SUGCT: variants seen among roughly 807,000 people sequenced by gnomAD.
SUGCT encodes succinyl-CoA:glutarate CoA-transferase.
SUGCT carries 41 observed loss-of-function variants against 55.0 expected under a neutral mutation model. The ratio of observed to expected loss-of-function variants is 0.74; its 90% CI spans 0.58 to 0.97. The LOEUF is 0.97. Ranked by LOEUF, SUGCT falls within the 50% of genes least tolerant of loss-of-function variation. The probability of loss-of-function intolerance (pLI) is 0.00; values close to 1 mark genes in which losing one functional copy is unlikely to be tolerated. For synonymous variants in SUGCT, 187 were observed against 200.4 expected, an observed-to-expected ratio of 0.93 and a Z score of 0.56; for missense variants, 568 against 547.8, an observed-to-expected ratio of 1.04 and a Z score of -0.37.
intron 12 of SUGCT, among the ~76,000 whole-genome samples, chr7:40,584,688 GAT>G (rs1175691825): frequency 2.0e-5 from 3 of 152,208 alleles, no homozygotes; most frequent in Non-Finnish European, 4.4e-5. Flanking sequence ...TAAATGAGGT[GAT>G]AGAGCTAGAT....
chr7:40,885,190 A>C, the SUGCT span, among the ~76,000 whole-genome samples: 1 of 152,110 alleles, frequency 6.6e-6, no homozygotes, highest in Non-Finnish European at 1.5e-5. Context: ...AGAAGCAGAA[A>C]AGGCTGTAAT....
the SUGCT span, among the ~76,000 whole-genome samples, chr7:40,896,606 C>T: frequency 1.3e-5 from 2 of 152,140 alleles, no homozygotes; most frequent in African/African-American, 4.8e-5. Flanking sequence ...CGGCACTTCT[C>T]CTTGTTGCCA....
At chr7:40,442,648 C>T (rs966915241) in intron 9 of SUGCT, among the ~76,000 whole-genome samples, 2 of 151,980 alleles carry the variant, frequency 1.3e-5, no homozygotes, top group Non-Finnish European at 2.9e-5. Context: ...GGAGTTGGGA[C>T]TTGCAAAATG....
chr7:40,929,703 G>A, the SUGCT span, among the ~76,000 whole-genome samples: 1 of 152,086 alleles, frequency 6.6e-6, no homozygotes, highest in Non-Finnish European at 1.5e-5. Context: ...GTGTCTCTTG[G>A]CTGCATAAAT....
At chr7:40,850,940 T>C (rs1793818874) in intron 13 of SUGCT, among the ~76,000 whole-genome samples, 2 of 152,242 alleles carry the variant, frequency 1.3e-5, no homozygotes, top group South Asian at 4.1e-4. Flanking sequence ...AAGGATAACA[T>C]ACATTGAGTA....
intron 11 of SUGCT, among the ~76,000 whole-genome samples, chr7:40,480,112 CT>C (rs1207874698): frequency 6.6e-6 from 1 of 152,002 alleles, no homozygotes; most frequent in Non-Finnish European, 1.5e-5. Flanking sequence ...TATTAGGAAA[CT>C]TTCCCCCCAT....
chr7:40,560,779 A>G (rs1158323062), intron 12 of SUGCT, among the ~76,000 whole-genome samples: 1 of 152,246 alleles, frequency 6.6e-6, no homozygotes, highest in Non-Finnish European at 1.5e-5. Flanking sequence ...ACTAGAACTA[A>G]GAAGACTAGG....
At chr7:40,407,094 T>C (rs1786412317) in intron 9 of SUGCT, among the ~76,000 whole-genome samples, 2 of 152,154 alleles carry the variant, frequency 1.3e-5, no homozygotes, top group African/African-American at 4.8e-5. Flanking sequence ...AAGGCCTTCT[T>C]TGAAGACTAC....
At chr7:40,405,406 C>G (rs1223681870) in intron 9 of SUGCT, among the ~76,000 whole-genome samples, 1 of 152,082 alleles carries the variant, frequency 6.6e-6, no homozygotes, top group Non-Finnish European at 1.5e-5. Context: ...ATAATGTTTC[C>G]TTCTTTAAAA....
chr7:40,823,801 A>G (rs1792155493), intron 13 of SUGCT, among the ~76,000 whole-genome samples: 1 of 152,220 alleles, frequency 6.6e-6, no homozygotes, highest in Admixed American at 6.5e-5. Context: ...TCTGGGATTC[A>G]AATAGCGACA....
At chr7:40,175,480 A>C (rs936661235) in intron 1 of SUGCT, among the ~76,000 whole-genome samples, 2 of 152,166 alleles carry the variant, frequency 1.3e-5, no homozygotes, top group Admixed American at 6.5e-5. Context: ...TCCTCCTCCC[A>C]AAGTGCTGGG....
At chr7:40,879,702 C>T in the SUGCT span, among the ~76,000 whole-genome samples, 1 of 152,244 alleles carries the variant, frequency 6.6e-6, no homozygotes, top group African/African-American at 2.4e-5. Context: ...AAAATGACCC[C>T]CAAATTCAAC....
At chr7:40,887,435 A>G in the SUGCT span, among the ~76,000 whole-genome samples, 2 of 152,346 alleles carry the variant, frequency 1.3e-5, no homozygotes, top group African/African-American at 4.8e-5. Flanking sequence ...AGACAAGTAT[A>G]GATTCAAAAT....
intron 7 of SUGCT, among the ~76,000 whole-genome samples, chr7:40,265,303 G>A (rs1368536546): frequency 6.6e-6 from 1 of 152,306 alleles, no homozygotes; most frequent in Admixed American, 6.5e-5. Context: ...ATTAGGTTGA[G>A]TAATGTAACA....
chr7:40,249,862 C>G (rs377072483), intron 7 of SUGCT, among the ~76,000 whole-genome samples: 4 of 152,258 alleles, frequency 2.6e-5, no homozygotes, highest in East Asian at 3.9e-4. Flanking sequence ...TCTCGGCTCA[C>G]CGCAACCTCT....
chr7:40,254,868 G>T (rs1310077532), intron 7 of SUGCT, among the ~76,000 whole-genome samples: 3 of 151,664 alleles, frequency 2.0e-5, no homozygotes, highest in African/African-American at 7.3e-5. Context: ...TGATCCTTTA[G>T]TTTTTATGTG....
chr7:40,240,603 A>G (rs956401576), intron 7 of SUGCT, among the ~76,000 whole-genome samples: 3 of 152,214 alleles, frequency 2.0e-5, no homozygotes, highest in Non-Finnish European at 2.9e-5. Context: ...CTCAGCAGAG[A>G]TTGTACGGGA....
At chr7:40,372,831 G>C (rs954638797) in intron 9 of SUGCT, among the ~76,000 whole-genome samples, 1 of 151,998 alleles carries the variant, frequency 6.6e-6, no homozygotes, top group African/African-American at 2.4e-5. Flanking sequence ...TGAGGAGCAG[G>C]TGCATTCTTG....
At position 40,237,697 on chromosome 7, in the gene SUGCT, T is replaced by C; in HGVS notation, c.547T>C (p.Ser183Pro). ...TTATGATGCTGTTGCCTCGGCTGTT[T>C]CTGGTCTGATGCACATCACAGGGCC... ...AGYDAVASAV[S>P]GLMHITGPEN... Residue 183 changes from serine (S) to proline (P), a missense_variant, in exon 7 of 14, where the codon TCT (serine) becomes CCT (proline). Ser to Pro is a moderately conservative substitution (Grantham distance 74, BLOSUM62 -1). Transcript: ENST00000335693. 1 of 1,613,950 alleles carries C rather than the reference T, an allele frequency of 6.2e-7. No individual in the cohort carries two copies. Among genetic ancestry groups the C allele is most frequent in the Non-Finnish European group, 8.5e-7 (1 of 1,179,856 alleles).
Sources: gnomAD v4.1 joint callset for allele counts (sites outside exome capture counted in the v4.1 genomes callset) on GRCh38, gnomAD v4.1.1 for gene constraint, MANE v1.5 for transcripts, NCBI Gene and HGNC (gene_info 2026-07-23, HGNC 2026-07-21) for gene names.